DAB1: variants seen among roughly 807,000 people sequenced by gnomAD.
The protein encoded by DAB1 is DAB adaptor protein 1.
Under a neutral mutation model 64.6 loss-of-function variants are expected in DAB1, and 15 were observed. That is an observed-to-expected ratio of 0.23 (90% CI 0.16 to 0.36). DAB1 has a LOEUF of 0.36. Ranked by LOEUF, DAB1 falls within the 10% of genes least tolerant of loss-of-function variation. The pLI, the probability that DAB1 is intolerant of heterozygous loss-of-function variation, is 1.00. For synonymous variants in DAB1, 235 were observed against 251.9 expected, an observed-to-expected ratio of 0.93 and a Z score of 0.64; for missense variants, 596 against 706.7, an observed-to-expected ratio of 0.84 and a Z score of 1.78.
At chr1:58,021,191 G>C (rs957138205) in intron 5 of DAB1, among the ~76,000 whole-genome samples, 1 of 152,228 alleles carries the variant, frequency 6.6e-6, no homozygotes, top group African/African-American at 2.4e-5. Flanking sequence ...TTTGAACCCA[G>C]CATGGGGTGG....
chr1:57,293,848 C>G (rs1174933704), intron 1 of DAB1, among the ~76,000 whole-genome samples: 1 of 152,118 alleles, frequency 6.6e-6, no homozygotes, highest in Non-Finnish European at 1.5e-5. Flanking sequence ...AATATAGCAT[C>G]TCTCCTTATT....
chr1:58,188,397 C>T (rs915206027), intron 4 of DAB1, among the ~76,000 whole-genome samples: 7 of 152,154 alleles, frequency 4.6e-5, no homozygotes, highest in Non-Finnish European at 1.0e-4. Context: ...GTTTAGAATT[C>T]ACAACATATT....
At chr1:58,222,785 T>C (rs1451493563) in intron 4 of DAB1, among the ~76,000 whole-genome samples, 1 of 152,232 alleles carries the variant, frequency 6.6e-6, no homozygotes, top group African/African-American at 2.4e-5. Context: ...TTGTGTCCTT[T>C]AAATAACACT....
At chr1:57,692,617 T>C (rs563433341) in intron 6 of DAB1, among the ~76,000 whole-genome samples, 1 of 152,258 alleles carries the variant, frequency 6.6e-6, no homozygotes, top group South Asian at 2.1e-4. Flanking sequence ...CAGGGTAAAT[T>C]TCTGTCTACC....
chr1:58,449,748 G>C (rs1250161146), intron 3 of DAB1, among the ~76,000 whole-genome samples: 2 of 51,980 alleles, frequency 3.8e-5, no homozygotes, highest in African/African-American at 1.2e-4. Flanking sequence ...CCTGAAGCCA[G>C]GCGGCTGTTT....
At chr1:58,525,592 A>C (rs952004948) in intron 2 of DAB1, among the ~76,000 whole-genome samples, 1 of 152,130 alleles carries the variant, frequency 6.6e-6, no homozygotes, top group Non-Finnish European at 1.5e-5. Context: ...AAAATATATC[A>C]TATTTATGGA....
intron 5 of DAB1, among the ~76,000 whole-genome samples, chr1:57,907,870 T>C (rs1275216895): frequency 6.6e-6 from 1 of 150,688 alleles, no homozygotes; most frequent in East Asian, 1.9e-4. Context: ...TGTGTATATA[T>C]ATATATACAC....
At position 58,110,670 on chromosome 1, in the gene DAB1, C is replaced by T. The variant is rs116940987; in HGVS notation, n.387+39841G>A. The stretch of plus-strand genomic sequence containing the variant: ...CTCTCTTTGTCCTGCAGCCAGAAAG[C>T]AGAGAGGCACTCTTTATCCTTTGCA... On this transcript the variant is annotated intron_variant and non_coding_transcript_variant, in intron 5 of 20. Coordinates refer to the DAB1 transcript ENST00000485760. Among the ~76,000 whole-genome samples, 124 of 152,312 alleles carry T rather than the reference C, an allele frequency of 8.1e-4. 2 individuals are homozygous for T. The East Asian group carries it at 0.016, about 20-fold the overall frequency.
intron 5 of DAB1, among the ~76,000 whole-genome samples, chr1:58,073,743 T>C (rs1295058186): frequency 1.3e-5 from 2 of 152,210 alleles, no homozygotes; most frequent in Non-Finnish European, 2.9e-5. Context: ...CAAGTCAATG[T>C]GTCTCTGTGA....
chr1:57,424,659 G>GA (rs1292537763), upstream of DAB1, among the ~76,000 whole-genome samples: 4 of 152,192 alleles, frequency 2.6e-5, no homozygotes, highest in African/African-American at 9.6e-5. Context: ...ACCACGAGGG[G>GA]AGTCTCCGCG....
rs150168683 is a variant in DAB1, at chr1:57,882,623, A to G, written n.87+1376T>C. Reference sequence around the variant, plus strand: ...ACCCTCTACAAAATTGTCTAATAACATAAGTAGTGAAAACACTCCTACTTA... The same window carrying G: ...ACCCTCTACAAAATTGTCTAATAACGTAAGTAGTGAAAACACTCCTACTTA... On this transcript the variant is annotated intron_variant and non_coding_transcript_variant, in intron 1 of 1. Transcript: ENST00000477280. Among the ~76,000 whole-genome samples the G allele has an allele frequency of 4.8e-3, 734 of 152,334 alleles. 3 individuals are homozygous for G. Among genetic ancestry groups the G allele is most frequent in the African/African-American group, 0.016 (652 of 41,566 alleles).
chr1:58,377,850 C>T (rs1644344203), intron 3 of DAB1, among the ~76,000 whole-genome samples: 1 of 140,744 alleles, frequency 7.1e-6, no homozygotes, highest in Non-Finnish European at 1.6e-5. Flanking sequence ...TTCACATAGT[C>T]CCATATTTCT....
intron 5 of DAB1, among the ~76,000 whole-genome samples, chr1:58,025,635 T>TTA (rs1304783591): frequency 3.8e-4 from 45 of 118,796 alleles, no homozygotes; most frequent in African/African-American, 9.7e-4. Context: ...AAATATAATA[T>TTA]TATATATATA....
At chr1:57,768,727 C>G (rs1173007101) in intron 6 of DAB1, among the ~76,000 whole-genome samples, 1 of 151,710 alleles carries the variant, frequency 6.6e-6, no homozygotes, top group Non-Finnish European at 1.5e-5. Flanking sequence ...TTTCTGTGTA[C>G]AGCTTCTTGT....
At chr1:58,113,650 C>T (rs1652124465) in intron 5 of DAB1, among the ~76,000 whole-genome samples, 1 of 151,556 alleles carries the variant, frequency 6.6e-6, no homozygotes. Context: ...AATTAACACA[C>T]TCCCTAAGCA....
chr1:58,242,445 T>C (rs974858828), intron 4 of DAB1, among the ~76,000 whole-genome samples: 7 of 152,088 alleles, frequency 4.6e-5, no homozygotes, highest in African/African-American at 1.7e-4. Context: ...AGAATATGTA[T>C]AATTATATCC....
At chr1:57,060,535 G>A (rs569376922) in intron 9 of DAB1, among the ~76,000 whole-genome samples, 2 of 152,138 alleles carry the variant, frequency 1.3e-5, no homozygotes, top group Admixed American at 6.6e-5. Flanking sequence ...CTGGTAATAC[G>A]AGGACCCCAG....
intron 4 of DAB1, among the ~76,000 whole-genome samples, chr1:58,337,597 G>A (rs1663150294): frequency 6.6e-6 from 1 of 152,080 alleles, no homozygotes; most frequent in African/African-American, 2.4e-5. Context: ...CTTGACCTTG[G>A]CTTCCTCATA....
chr1:57,106,265 C>CCG (rs1553142610), intron 4 of DAB1, among the ~76,000 whole-genome samples: 1 of 151,358 alleles, frequency 6.6e-6, no homozygotes, highest in Non-Finnish European at 1.5e-5. Flanking sequence ...ACACCCCCCC[C>CCG]CATCAGTATT....
Sources: gnomAD v4.1 joint callset for allele counts (sites outside exome capture counted in the v4.1 genomes callset) on GRCh38, gnomAD v4.1.1 for gene constraint, MANE v1.5 for transcripts, NCBI Gene and HGNC (gene_info 2026-07-23, HGNC 2026-07-21) for gene names.